Variants in DGKB observed in about 807,000 individuals in gnomAD.
The protein encoded by DGKB is 90 kDa diacylglycerol kinase.
In DGKB, 67 loss-of-function variants were observed where a neutral mutation model predicts 114.3. The observed-to-expected ratio is 0.59, with a 90% CI of 0.48 to 0.72. DGKB has a LOEUF of 0.72. Ranked by LOEUF, DGKB falls within the 30% of genes least tolerant of loss-of-function variation. The pLI is 0.00. For missense variants in DGKB, 907 were observed against 975.2 expected (o/e 0.93, Z 0.93); for synonymous variants, 398 against 323.1 (o/e 1.23, Z -2.49).
intron 5 of DGKB, among the ~76,000 whole-genome samples, chr7:14,728,626 C>T (rs563773829): frequency 6.6e-6 from 1 of 152,216 alleles, no homozygotes; most frequent in South Asian, 2.1e-4. Context: ...TTTTGAACTC[C>T]TATCTTAGTT....
In DGKB at chr7:14,414,863, C is replaced by T. The variant is rs567631841; in HGVS notation, c.1835+63298G>A. On this transcript the variant is annotated intron_variant, in intron 21 of 25. Transcript: ENST00000402815. ...CAAGCTGAGTCATTTGACATTATTC[C>T]CTGTGTAACTTATCCATTAAAATTT... Among the ~76,000 whole-genome samples the T allele has an allele frequency of 2.0e-5, 3 of 152,052 alleles. No individual in the cohort carries two copies. The East Asian group carries it at 5.8e-4, about 29-fold the overall frequency.
chr7:14,912,466 G>A (rs1203472024), intron 1 of DGKB, among the ~76,000 whole-genome samples: 1 of 151,970 alleles, frequency 6.6e-6, no homozygotes, highest in South Asian at 2.1e-4. Flanking sequence ...GACTGGTTGG[G>A]GTAATTTATC....
chr7:14,767,269 C>A (rs984394700), intron 2 of DGKB, among the ~76,000 whole-genome samples: 2 of 151,686 alleles, frequency 1.3e-5, no homozygotes, highest in East Asian at 1.9e-4. Context: ...AGAGAGAATG[C>A]AATCTTCTTC....
intron 17 of DGKB, among the ~76,000 whole-genome samples, chr7:14,600,858 C>A (rs2128763799): frequency 6.6e-6 from 1 of 152,270 alleles, no homozygotes; most frequent in South Asian, 2.1e-4. Context: ...TGTGTGCAGC[C>A]CACACTGCAT....
chr7:14,337,982 C>G (rs571288092), intron 23 of DGKB, among the ~76,000 whole-genome samples: 2 of 152,214 alleles, frequency 1.3e-5, no homozygotes, highest in East Asian at 3.9e-4. Flanking sequence ...AGGTCTCCTA[C>G]TTGTTGTTAC....
At chr7:14,674,854 T>A (rs1444780175) in intron 12 of DGKB, among the ~76,000 whole-genome samples, 1 of 152,090 alleles carries the variant, frequency 6.6e-6, no homozygotes, top group African/African-American at 2.4e-5. Flanking sequence ...AGAGGGAGGA[T>A]GACCTGCTGA....
At chr7:14,607,204 C>T in intron 17 of DGKB, among the ~76,000 whole-genome samples, 1 of 150,522 alleles carries the variant, frequency 6.6e-6, no homozygotes, top group East Asian at 2.0e-4. Context: ...ATCATTAGTA[C>T]AATAAGGAGC....
chr7:14,963,623 T>C (rs556431879), intron 1 of DGKB, among the ~76,000 whole-genome samples: 1 of 152,310 alleles, frequency 6.6e-6, no homozygotes, highest in Admixed American at 6.5e-5. Flanking sequence ...TGAGAATCAA[T>C]TCACTTACTA....
chr7:14,939,621 CTTTTTTTTTTTTTT>C (rs60427374), intron 1 of DGKB, among the ~76,000 whole-genome samples: 2,212 of 84,270 alleles, frequency 0.026, 67 homozygotes, highest in African/African-American at 0.088. Context: ...AAATATAATA[CTTTTTTTTTTTTTT>C]TTTTTTTTTT....
In DGKB at chr7:14,490,593, G is replaced by T. The variant is rs183037018; in HGVS notation, c.1771-12368C>A. 2.9e-4 allele frequency among the ~76,000 whole-genome samples: 44 copies of T among 152,164 alleles called. No individual in the cohort carries two copies. In the East Asian group the frequency reaches 6.8e-3, roughly 23 times the overall value. ...GATTTAATTCCTGAAAGTTGAAAAGGGGGACAAAAAGGAGTCCAGTCCTTT... is the reference window on the plus strand; with the variant it reads ...GATTTAATTCCTGAAAGTTGAAAAGTGGGACAAAAAGGAGTCCAGTCCTTT... On this transcript the variant is annotated intron_variant, in intron 20 of 25. Coordinates refer to ENST00000402815, the MANE Select transcript of DGKB (RefSeq NM_001350709.2).
At chr7:14,186,357 T>G (rs1350280899) in intron 23 of DGKB, among the ~76,000 whole-genome samples, 1 of 151,962 alleles carries the variant, frequency 6.6e-6, no homozygotes, top group East Asian at 1.9e-4. Flanking sequence ...AAAAAAATAA[T>G]CAAAAAACAG....
chr7:14,747,775 G>A (rs10265720), intron 4 of DGKB, among the ~76,000 whole-genome samples: 17 of 149,276 alleles, frequency 1.1e-4, no homozygotes, highest in Admixed American at 2.0e-4. Context: ...ACATCCACGC[G>A]CACGCACACA....
At chr7:14,248,351 A>G (rs1055081722) in intron 23 of DGKB, among the ~76,000 whole-genome samples, 3 of 152,084 alleles carry the variant, frequency 2.0e-5, no homozygotes, top group Non-Finnish European at 4.4e-5. Flanking sequence ...GTTGTTCCAT[A>G]TAAGTTTTAG....
intron 4 of DGKB, among the ~76,000 whole-genome samples, chr7:14,739,071 T>C (rs1832159189): frequency 6.6e-6 from 1 of 152,198 alleles, no homozygotes; most frequent in South Asian, 2.1e-4. Flanking sequence ...TCAGAACCCA[T>C]GTCGATGCTC....
At chr7:14,382,098 G>A (rs1163467599) in intron 21 of DGKB, among the ~76,000 whole-genome samples, 2 of 78,406 alleles carry the variant, frequency 2.6e-5, no homozygotes, top group African/African-American at 6.8e-5. Context: ...AATAGTTTTT[G>A]TCTCAGGTTC....
intron 1 of DGKB, among the ~76,000 whole-genome samples, chr7:14,918,262 G>C (rs77184018): frequency 0.022 from 3,288 of 151,904 alleles, 124 homozygotes; most frequent in African/African-American, 0.076. Flanking sequence ...TCGTAGATAA[G>C]AAAAGAAAAT....
At chr7:14,903,717 CA>C (rs1587347133), upstream of DGKB, among the ~76,000 whole-genome samples, 2 of 152,206 alleles carry the variant, frequency 1.3e-5, no homozygotes, top group East Asian at 3.9e-4. Flanking sequence ...TATGTGTAAC[CA>C]ATCAGGGCAC....
At chr7:14,296,960 A>T (rs1213658488) in intron 23 of DGKB, among the ~76,000 whole-genome samples, 1 of 152,154 alleles carries the variant, frequency 6.6e-6, no homozygotes, top group East Asian at 1.9e-4. Flanking sequence ...AACTAGAAGA[A>T]ATGGATAAAT....
intron 23 of DGKB, among the ~76,000 whole-genome samples, chr7:14,329,242 T>C (rs1056310069): frequency 6.6e-6 from 1 of 151,956 alleles, no homozygotes; most frequent in African/African-American, 2.4e-5. Context: ...TGCAGTTCAC[T>C]GGACCCTCCT....
Sources: gnomAD v4.1 joint callset for allele counts (sites outside exome capture counted in the v4.1 genomes callset) on GRCh38, gnomAD v4.1.1 for gene constraint, MANE v1.5 for transcripts, NCBI Gene and HGNC (gene_info 2026-07-23, HGNC 2026-07-21) for gene names.